Variants in FARP1 observed in about 807,000 individuals in gnomAD.
FARP1 encodes FERM, ARHGEF and pleckstrin domain-containing protein 1.
A neutral mutation model predicts 128.8 loss-of-function variants in FARP1; 52 were observed. The ratio of observed to expected loss-of-function variants is 0.40; its 90% CI spans 0.32 to 0.51. FARP1 has a LOEUF of 0.51. Ranked by LOEUF, FARP1 falls within the 20% of genes least tolerant of loss-of-function variation. The probability of loss-of-function intolerance (pLI) is 0.45; values close to 1 mark genes in which losing one functional copy is unlikely to be tolerated. For missense variants in FARP1, 1,333 were observed against 1,367.9 expected, an observed-to-expected ratio of 0.97 and a Z score of 0.40; for synonymous variants, 580 against 551.8, an observed-to-expected ratio of 1.05 and a Z score of -0.72.
chr13:98,358,054 A>G (rs1325022151), intron 3 of FARP1, among the ~76,000 whole-genome samples: 1 of 146,848 alleles, frequency 6.8e-6, no homozygotes, highest in Non-Finnish European at 1.5e-5. Context: ...AGGCACTGTT[A>G]CCTCTAATAC....
intron 2 of FARP1, among the ~76,000 whole-genome samples, chr13:98,313,059 A>T (rs1285742936): frequency 1.3e-5 from 2 of 151,964 alleles, no homozygotes; most frequent in African/African-American, 4.8e-5. Flanking sequence ...TACAGATGTA[A>T]TGAAGATGTA....
chr13:98,200,394 C>CCCT lies in FARP1; in HGVS notation c.-23-12824_-23-12823insTCC, dbSNP rs1555327088. 2.2e-4 allele frequency among the ~76,000 whole-genome samples: 32 copies of CCCT among 147,126 alleles called. 1 individual carries two copies. Among genetic ancestry groups the CCCT allele is most frequent in the African/African-American group, 7.6e-4 (30 of 39,534 alleles). The stretch of plus-strand genomic sequence containing the variant: ...ACCTGGAATGCAACCTTCACCCCCC[C>CCCT]CCCCTCCCCTTTGTGATTCAGTGGG... On this transcript the variant is annotated intron_variant, in intron 1 of 26. Transcript: ENST00000319562.
rs76302345 is a variant in FARP1 at position 98,302,352 on chromosome 13, C to T, written c.172-41410C>T. On this transcript the variant is annotated intron_variant, in intron 2 of 26. Transcript: ENST00000319562. Reference sequence around the variant, plus strand: ...TAGCTCACATTCATTCCTCCATTTTCCCCAGTTGCTATATTTTCAACCTCC... The same window carrying T: ...TAGCTCACATTCATTCCTCCATTTTTCCCAGTTGCTATATTTTCAACCTCC... Among the ~76,000 whole-genome samples the T allele has an allele frequency of 1.6e-3, 251 of 152,312 alleles. 1 individual carries two copies. The highest frequency in any genetic ancestry group is 5.5e-3 in the African/African-American group (230 of 41,554).
chr13:98,376,764 T>G (rs1405188594), intron 5 of FARP1, among the ~76,000 whole-genome samples: 40 of 145,546 alleles, frequency 2.7e-4, no homozygotes, highest in African/African-American at 1.0e-3. Flanking sequence ...TTTGTGTTTT[T>G]TTTTTTTTTT....
Position 98,395,075 on chromosome 13 carries a change from G to C in FARP1, c.1165-152G>C, listed in dbSNP as rs142985331. ...CTGGATCATGCCCAGATGTGCCTCC[G>C]TGATTGCTGCTAGGCCAGAGAGCTC... On this transcript the variant is annotated intron_variant, in intron 12 of 26. Transcript: ENST00000319562. 5 of 818,540 alleles carry C rather than the reference G, an allele frequency of 6.1e-6. No homozygotes were observed. In the East Asian group the frequency reaches 1.5e-4, roughly 25 times the overall value. 50.7% of individuals were successfully genotyped at this position (818,540 alleles called of 1,614,324 possible). A position where few individuals can be genotyped will look rare whatever the true frequency, so the allele number is the denominator to read the frequency against.
chr13:98,370,784 T>G (rs936598432), intron 5 of FARP1, among the ~76,000 whole-genome samples: 1 of 152,174 alleles, frequency 6.6e-6, no homozygotes, highest in Non-Finnish European at 1.5e-5. Flanking sequence ...TCCCACTGCT[T>G]TGTGTTTTCT....
At chr13:98,363,353 G>A (rs546579063) in intron 3 of FARP1, among the ~76,000 whole-genome samples, 48 of 152,168 alleles carry the variant, frequency 3.2e-4, no homozygotes, top group African/African-American at 4.8e-4. Context: ...TGCCCCTTCC[G>A]TGTGTATTGC....
At chr13:98,268,836 A>C (rs1884260388) in intron 2 of FARP1, among the ~76,000 whole-genome samples, 2 of 151,084 alleles carry the variant, frequency 1.3e-5, no homozygotes, top group Non-Finnish European at 2.9e-5. Flanking sequence ...CTTCCCAAGT[A>C]GCTGAGACTA....
chr13:98,214,570 A>G (rs1159057081), intron 2 of FARP1, among the ~76,000 whole-genome samples: 1 of 152,126 alleles, frequency 6.6e-6, no homozygotes, highest in Non-Finnish European at 1.5e-5. Context: ...TTAATCACTT[A>G]TGGGATATGA....
At chr13:98,371,201 C>T (rs2139986558) in intron 5 of FARP1, among the ~76,000 whole-genome samples, 1 of 147,446 alleles carries the variant, frequency 6.8e-6, no homozygotes, top group South Asian at 2.2e-4. Context: ...TCCTGTATCC[C>T]CTCACCCCCG....
chr13:98,351,491 A>G (rs1028696551), intron 3 of FARP1, among the ~76,000 whole-genome samples: 12 of 151,982 alleles, frequency 7.9e-5, no homozygotes, highest in African/African-American at 2.2e-4. Flanking sequence ...AGGCGCCTGT[A>G]GTGCCAGCTA....
rs2064950128 is a variant in FARP1, at chr13:98,390,863, G to C, written c.1071G>C (p.Lys357Asn). 1.9e-6 allele frequency: 3 copies of C among 1,613,416 alleles called. No homozygotes were observed. The highest frequency in any genetic ancestry group is 1.7e-4 in the Middle Eastern group (1 of 6,060). ...ACTATGTTAAAGAAGGAGGACATAA[G>C]AAGGTGCAGTTTGAAAGGTAAGAGA... ...VLDYVKEGGH[K>N]KVQFERKHSK... Residue 357 changes from lysine to asparagine, a missense_variant, in exon 11 of 27, where the codon AAG becomes AAC. Physicochemically the swap from Lys to Asn is moderately conservative, Grantham distance 94. This residue lies in a region of FARP1 where 1,009 missense variants were observed against 969.8 expected (regional missense o/e 1.04). Coordinates refer to ENST00000319562, the MANE Select transcript of FARP1 (RefSeq NM_005766.4).
intron 1 of FARP1, among the ~76,000 whole-genome samples, chr13:98,202,798 C>T (rs1303750523): frequency 2.0e-5 from 3 of 152,048 alleles, no homozygotes; most frequent in Admixed American, 2.0e-4. Context: ...TAGCTCACCA[C>T]AGCCACAAAT....
intron 1 of FARP1, among the ~76,000 whole-genome samples, chr13:98,154,920 G>A (rs1226466839): frequency 6.6e-6 from 1 of 152,196 alleles, no homozygotes; most frequent in Admixed American, 6.5e-5. Context: ...TGATGAAGAT[G>A]TCAGCTAGGA....
intron 1 of FARP1, among the ~76,000 whole-genome samples, chr13:98,193,414 G>C (rs766236254): frequency 3.9e-5 from 6 of 152,140 alleles, no homozygotes; most frequent in Non-Finnish European, 5.9e-5. Context: ...GACTTATTTA[G>C]AGCAACCTGT....
chr13:98,431,311 C>A (rs1204007130), intron 18 of FARP1, 31 bp downstream of exon 18: 11 of 1,483,770 alleles, frequency 7.4e-6, no homozygotes, highest in Non-Finnish European at 9.2e-6. Flanking sequence ...CCACCTGGTG[C>A]CCATGCCACA....
At chr13:98,156,454 G>C (rs996497577) in intron 1 of FARP1, among the ~76,000 whole-genome samples, 1 of 152,200 alleles carries the variant, frequency 6.6e-6, no homozygotes, top group African/African-American at 2.4e-5. Context: ...TGTCACCCAG[G>C]CTGGAGTGCA....
At chr13:98,171,332 G>C (rs573393527) in intron 1 of FARP1, among the ~76,000 whole-genome samples, 15 of 152,224 alleles carry the variant, frequency 9.9e-5, no homozygotes, top group Non-Finnish European at 1.9e-4. Flanking sequence ...TAGCCTCTTC[G>C]TATAGTGACT....
intron 13 of FARP1, chr13:98,395,955 T>TA (rs1277396361): frequency 5.0e-6 from 2 of 399,254 alleles, no homozygotes; most frequent in Non-Finnish European, 8.8e-6. Context: ...GACATGACCA[T>TA]AGAGAGGGGA....
Sources: allele counts gnomAD v4.1 joint callset (sites outside exome capture counted in the v4.1 genomes callset), GRCh38; gene constraint gnomAD v4.1.1; regional missense constraint gnomAD v4.1.1; transcripts MANE v1.5; gene names NCBI Gene and HGNC (gene_info 2026-07-23, HGNC 2026-07-21).